Variants in ALDH1L1 observed in about 807,000 individuals in gnomAD.
ALDH1L1 encodes the protein cytosolic 10-formyltetrahydrofolate dehydrogenase.
ALDH1L1 carries 68 observed loss-of-function variants against 101.1 expected under a neutral mutation model. The ratio of observed to expected loss-of-function variants is 0.67; its 90% CI spans 0.55 to 0.82. ALDH1L1 has a LOEUF of 0.82. ALDH1L1 is among the 40% of genes least tolerant of loss of function. ALDH1L1 has a pLI of 0.00. For missense variants in ALDH1L1, 1,087 were observed against 1,172.7 expected, an observed-to-expected ratio of 0.93 and a Z score of 1.07; for synonymous variants, 486 against 470.8, an observed-to-expected ratio of 1.03 and a Z score of -0.42.
chr3:126,129,997 T>C (rs752283472), intron 14 of ALDH1L1: 3 of 396,380 alleles, frequency 7.6e-6, no homozygotes, highest in African/African-American at 2.1e-5. Context: ...TACTCTTGTT[T>C]CCCACCGTGG....
Position 126,154,602 on chromosome 3 carries a change from G to A in ALDH1L1, c.672C>T (p.Ile224=). 2.5e-6 allele frequency: 4 copies of A among 1,614,200 alleles called. No homozygotes were observed. The South Asian group carries it at 4.4e-5, about 18-fold the overall frequency. ...CTCCCGGCACCTTGTCGTTCCCGCG[G>A]ATCCAGTTGTGAATGGCCTCTGCCG... ...DQPAEAIHNW[I]RGNDKVPGAW... Residue 224 remains isoleucine (I), a synonymous_variant, in exon 6 of 23, where the codon ATC becomes ATT. Transcript: ENST00000393434.
rs759539289 is a variant in ALDH1L1, at chr3:126,157,460, C to T, written c.411G>A (p.Ala137=). The change falls in exon 4 of 23, where the codon GCG becomes GCA. Residue 137 remains alanine, a synonymous_variant. Coordinates refer to ENST00000393434, the MANE Select transcript of ALDH1L1 (RefSeq NM_012190.4). The stretch of plus-strand genomic sequence containing the variant: ...GGTCTCCGGTGTCCAGACCATCATC[C>T]GCCCAGAAGATGGAAAACCCCCCTT... ...DKKGGFSIFW[A]DDGLDTGDLL... The T allele has an allele frequency of 1.7e-5, 27 of 1,614,096 alleles. No homozygotes were observed. Among genetic ancestry groups the T allele is most frequent in the East Asian group, 1.3e-4 (6 of 44,874 alleles).
intron 8 of ALDH1L1, among the ~76,000 whole-genome samples, chr3:126,147,857 C>T (rs2080727241): frequency 2.6e-5 from 4 of 152,162 alleles, no homozygotes; most frequent in Admixed American, 1.3e-4. Context: ...GCATCAACAC[C>T]ACACCAAGCC....
chr3:126,185,782 T>G (rs1283320988), upstream of ALDH1L1, among the ~76,000 whole-genome samples: 1 of 152,210 alleles, frequency 6.6e-6, no homozygotes, highest in Non-Finnish European at 1.5e-5. Context: ...CAGTAACTGA[T>G]ATTAGATTCT....
chr3:126,175,713 A>G (rs529100162), intron 1 of ALDH1L1, among the ~76,000 whole-genome samples: 51 of 152,316 alleles, frequency 3.3e-4, no homozygotes, highest in African/African-American at 1.2e-3. Flanking sequence ...AAGAAGATCT[A>G]TGAAAAACCT....
intron 1 of ALDH1L1, among the ~76,000 whole-genome samples, chr3:126,164,569 T>A (rs1255420335): frequency 6.6e-6 from 1 of 152,236 alleles, no homozygotes; most frequent in Non-Finnish European, 1.5e-5. Flanking sequence ...CTTTTTATGG[T>A]TGTGTAATAT....
rs2079938568 is a variant in ALDH1L1, at chr3:126,115,298, G to A, written c.1983-642C>T. 8.9e-6 allele frequency: 3 copies of A among 336,460 alleles called. 1 individual carries two copies. The highest frequency in any genetic ancestry group is 2.2e-5 in the African/African-American group (1 of 46,490). 20.8% of individuals were successfully genotyped at this position (336,460 alleles called of 1,614,324 possible). A position where few individuals can be genotyped will look rare whatever the true frequency, so the allele number is the denominator to read the frequency against. ...CACTGCAGGGATGCTGTCCTCAGCT[G>A]GACACTCAGTCAATAGCCGGCAGGT... On this transcript the variant is annotated intron_variant, in intron 17 of 22. Transcript: ENST00000393434.
intron 16 of ALDH1L1, among the ~76,000 whole-genome samples, chr3:126,121,268 G>A (rs1056143239): frequency 1.8e-4 from 28 of 152,336 alleles, no homozygotes; most frequent in African/African-American, 3.4e-4. Flanking sequence ...AGAGCTGCGC[G>A]GCGCTGCCTT....
intron 10 of ALDH1L1, 119 bp from the exon 11 acceptor site, chr3:126,137,002 A>G: frequency 7.1e-7 from 1 of 1,416,156 alleles, no homozygotes; most frequent in Non-Finnish European, 9.5e-7. Flanking sequence ...TCAGAGCTGC[A>G]TGTAGGCAAC....
chr3:126,121,705 C>T (rs940258862), intron 16 of ALDH1L1, among the ~76,000 whole-genome samples: 6 of 152,208 alleles, frequency 3.9e-5, no homozygotes, highest in African/African-American at 1.4e-4. Flanking sequence ...ATCTGACTCT[C>T]AGTAAGAGCA....
chr3:126,115,096 G>A (rs777182573), intron 17 of ALDH1L1: 16 of 457,142 alleles, frequency 3.5e-5, no homozygotes, highest in East Asian at 2.1e-4. Context: ...TTACAGCCCC[G>A]GTGCCAAGCA....
rs146981012 is a variant in ALDH1L1 at position 126,137,945 on chromosome 3, C to T, written c.1092G>A (p.Val364=). 249 of 1,614,120 alleles carry T rather than the reference C, an allele frequency of 1.5e-4. No individual in the cohort carries two copies. The highest frequency in any genetic ancestry group is 2.0e-4 in the Non-Finnish European group (235 of 1,179,992). Residue 364 remains valine (V), a synonymous_variant, in exon 10 of 23, where the codon GTG becomes GTA. Transcript: ENST00000393434. ...SVDVVRLVEE[V]KELCDGLELE... is the part of the protein sequence containing the mutation. ...ACTCCAGGCCATCACACAGCTCCTT[C>T]ACTTCCTCCACCAGCCTGGAGGAAG...
At chr3:126,111,843 TGCTCTTCGCGGAA>T (rs747059288) in intron 19 of ALDH1L1, among the ~76,000 whole-genome samples, 16 of 152,262 alleles carry the variant, frequency 1.1e-4, no homozygotes, top group Non-Finnish European at 1.9e-4. Flanking sequence ...TGGGGGGCGG[TGCTCTTCGCGGAA>T]GCTAAGCCAA....
At chr3:126,135,302 TG>T (rs759865480) in intron 12 of ALDH1L1, 2 of 442,102 alleles carry the variant, frequency 4.5e-6, no homozygotes, top group Non-Finnish European at 7.7e-6. Context: ...GCACCTCCCC[TG>T]AGCCCACTCT....
In ALDH1L1 at chr3:126,114,571, T is replaced by C; in HGVS notation, c.2068A>G (p.Lys690Glu). 6.6e-7 allele frequency: 1 copy of C among 1,507,980 alleles called. No homozygotes were observed. Among genetic ancestry groups the C allele is most frequent in the Non-Finnish European group, 8.9e-7 (1 of 1,127,912 alleles). 93.4% of individuals were successfully genotyped at this position (1,507,980 alleles called of 1,614,324 possible). A position where few individuals can be genotyped will look rare whatever the true frequency, so the allele number is the denominator to read the frequency against. Residue 690 changes from lysine to glutamate, a missense_variant, in exon 18 of 23, where the codon AAG becomes GAG. Transcript: ENST00000393434. ...LIIFADCDLNKAVQMGMSSVF... is the reference protein window; with the variant it reads ...LIIFADCDLNEAVQMGMSSVF... Reference sequence around the variant, plus strand: ...CCGGCCCTCACCATCTGCACAGCCTTGTTGAGGTCACAGTCAGCAAAGATG... The same window carrying C: ...CCGGCCCTCACCATCTGCACAGCCTCGTTGAGGTCACAGTCAGCAAAGATG...
Position 126,159,964 on chromosome 3 carries a change from C to T in ALDH1L1, c.127+889G>A, listed in dbSNP as rs545931134. On this transcript the variant is annotated intron_variant, in intron 2 of 22. Transcript: ENST00000393434. ...ACAAGCCCCCTTTCCTAATCCTGGCCCTCTATCCTTAAGCCCTGCCCCACA... is the reference window on the plus strand; with the variant it reads ...ACAAGCCCCCTTTCCTAATCCTGGCTCTCTATCCTTAAGCCCTGCCCCACA... 4.5e-4 allele frequency among the ~76,000 whole-genome samples: 69 copies of T among 152,270 alleles called. No homozygotes were observed. The Middle Eastern group carries it at 0.017, about 38-fold the overall frequency.
At chr3:126,115,487 C>CTT (rs35580198) in intron 17 of ALDH1L1, 16 of 141,950 alleles carry the variant, frequency 1.1e-4, no homozygotes, top group South Asian at 8.7e-4. Context: ...CTTTGCTCTT[C>CTT]TTTTTTTTTT....
chr3:126,145,209 T>C (rs761445533), intron 9 of ALDH1L1, among the ~76,000 whole-genome samples: 50 of 152,078 alleles, frequency 3.3e-4, no homozygotes, highest in Non-Finnish European at 5.4e-4. Flanking sequence ...GGAATGAAAG[T>C]AAGCATTGGC....
At position 126,131,541 on chromosome 3, in the gene ALDH1L1, A is replaced by C. The variant is rs1275957114; in HGVS notation, c.1473-7T>G. The C allele has an allele frequency of 6.3e-7, 1 of 1,599,162 alleles. No homozygotes were observed. On this transcript the variant is annotated splice_region_variant and splice_polypyrimidine_tract_variant and intron_variant, in intron 12 of 22. Coordinates refer to ENST00000393434, the MANE Select transcript of ALDH1L1 (RefSeq NM_012190.4). ...CTCCATGAGATCTGCCAACCTGACC[A>C]GGGTGAGGGGAAGCGGGAGGTGGGC...
Sources: gnomAD v4.1 joint callset for allele counts (sites outside exome capture counted in the v4.1 genomes callset) on GRCh38, gnomAD v4.1.1 for gene constraint, MANE v1.5 for transcripts, NCBI Gene and HGNC (gene_info 2026-07-23, HGNC 2026-07-21) for gene names.